Variants in MYO3B observed in about 807,000 individuals in gnomAD.
MYO3B encodes myosin-IIIb.
MYO3B carries 156 observed loss-of-function variants against 174.6 expected under a neutral mutation model. The observed-to-expected ratio is 0.89, with a 90% confidence interval of 0.78 to 1.02. MYO3B has a LOEUF of 1.02. Ranked by LOEUF, MYO3B falls within the 50% of genes least tolerant of loss-of-function variation. MYO3B has a pLI of 0.00. For synonymous variants in MYO3B, 563 were observed against 569.1 expected (o/e 0.99, Z 0.15); for missense variants, 1,632 against 1,639.4 (o/e 1.00, Z 0.08).
intron 7 of MYO3B, among the ~76,000 whole-genome samples, chr2:170,263,957 T>C (rs1158132353): frequency 6.6e-6 from 1 of 152,192 alleles, no homozygotes; most frequent in African/African-American, 2.4e-5. Flanking sequence ...ATACCTGGCT[T>C]TCCTAGGCAG....
At chr2:170,354,711 C>T (rs2094106519) in intron 8 of MYO3B, among the ~76,000 whole-genome samples, 1 of 152,084 alleles carries the variant, frequency 6.6e-6, no homozygotes, top group South Asian at 2.1e-4. Context: ...GCCTATTATT[C>T]AGCAAATTAA....
At chr2:170,255,624 C>G (rs762091072) in intron 7 of MYO3B, among the ~76,000 whole-genome samples, 90 of 151,950 alleles carry the variant, frequency 5.9e-4, no homozygotes, top group Non-Finnish European at 1.2e-3. Context: ...ACAGTCAAAC[C>G]CTGAAGGGAA....
At chr2:170,335,122 G>C (rs1262315833) in intron 7 of MYO3B, among the ~76,000 whole-genome samples, 2 of 152,102 alleles carry the variant, frequency 1.3e-5, no homozygotes, top group African/African-American at 4.8e-5. Context: ...TAGGGTGTCT[G>C]CTTCTTGAAG....
At chr2:170,260,849 G>C (rs961860329) in intron 7 of MYO3B, among the ~76,000 whole-genome samples, 1 of 152,076 alleles carries the variant, frequency 6.6e-6, no homozygotes, top group Non-Finnish European at 1.5e-5. Context: ...TACTAGTGTT[G>C]GGTTATGTGT....
At chr2:170,405,522 C>A (rs376566516) in intron 20 of MYO3B, 23 bp from the exon 21 acceptor site, 27 of 1,610,058 alleles carry the variant, frequency 1.7e-5, no homozygotes, top group Non-Finnish European at 2.0e-5. Context: ...CATTGTAACT[C>A]TCCAACATAA....
At chr2:170,622,978 G>A (rs1184615801) in intron 32 of MYO3B, among the ~76,000 whole-genome samples, 1 of 152,124 alleles carries the variant, frequency 6.6e-6, no homozygotes, top group African/African-American at 2.4e-5. Flanking sequence ...ATCATTGTTG[G>A]ACATTTGGGT....
At chr2:170,628,193 A>G (rs535180188) in intron 32 of MYO3B, among the ~76,000 whole-genome samples, 225 of 152,312 alleles carry the variant, frequency 1.5e-3, no homozygotes, top group African/African-American at 5.2e-3. Flanking sequence ...ATTGGGCTCC[A>G]CCCAGTTCGA....
At chr2:170,254,363 C>T (rs763490674) in intron 7 of MYO3B, among the ~76,000 whole-genome samples, 7 of 152,178 alleles carry the variant, frequency 4.6e-5, no homozygotes, top group Non-Finnish European at 8.8e-5. Context: ...CTCCATCTTA[C>T]TCTGAATGAC....
chr2:170,379,439 C>T (rs775822264), intron 9 of MYO3B, among the ~76,000 whole-genome samples: 11 of 152,176 alleles, frequency 7.2e-5, no homozygotes, highest in Non-Finnish European at 1.5e-4. Flanking sequence ...GTGATCCACC[C>T]GCCTTGGCCG....
intron 25 of MYO3B, among the ~76,000 whole-genome samples, chr2:170,474,743 CAAAAAAAAAAAAAAAAAAAAAAAAAAAA>C (rs55913448): frequency 2.7e-5 from 1 of 37,580 alleles, no homozygotes. Context: ...AACTCCGTCT[CAAAAAAAAAAAAAAAAAAAAAAAAAAAA>C]AAAAAAAAAA....
intron 7 of MYO3B, among the ~76,000 whole-genome samples, chr2:170,320,772 A>T (rs2093820159): frequency 6.6e-6 from 1 of 152,168 alleles, no homozygotes. Context: ...ACATTCTCTG[A>T]CCACAATGCA....
chr2:170,328,497 C>A (rs77620867), intron 7 of MYO3B, among the ~76,000 whole-genome samples: 1 of 151,884 alleles, frequency 6.6e-6, no homozygotes, highest in East Asian at 1.9e-4. Flanking sequence ...GAGCCACCCC[C>A]AGAAGATGCG....
intron 22 of MYO3B, among the ~76,000 whole-genome samples, chr2:170,435,435 A>G (rs553240491): frequency 2.6e-5 from 4 of 152,318 alleles, no homozygotes; most frequent in East Asian, 3.9e-4. Flanking sequence ...GTAATGAGCA[A>G]TCTAACCATT....
chr2:170,642,741 G>C (rs1559193442), intron 32 of MYO3B, among the ~76,000 whole-genome samples: 1 of 152,124 alleles, frequency 6.6e-6, no homozygotes, highest in Non-Finnish European at 1.5e-5. Context: ...CCAGACCACA[G>C]AGAATTTTCC....
At chr2:170,482,881 A>T (rs1685787048) in intron 25 of MYO3B, among the ~76,000 whole-genome samples, 1 of 152,234 alleles carries the variant, frequency 6.6e-6, no homozygotes, top group South Asian at 2.1e-4. Context: ...ACTTATTCTT[A>T]TGGGGCAGGA....
intron 7 of MYO3B, among the ~76,000 whole-genome samples, chr2:170,271,616 G>C (rs2093425659): frequency 6.6e-6 from 1 of 152,180 alleles, no homozygotes; most frequent in South Asian, 2.1e-4. Context: ...ATGGCTGAGA[G>C]TCATTGTAAC....
At chr2:170,575,434 G>A (rs1692726484) in intron 32 of MYO3B, among the ~76,000 whole-genome samples, 1 of 152,054 alleles carries the variant, frequency 6.6e-6, no homozygotes, top group South Asian at 2.1e-4. Flanking sequence ...TGCCATTGTA[G>A]GGTAAAAAAA....
At chr2:170,469,948 C>G (rs1575031116) in intron 25 of MYO3B, among the ~76,000 whole-genome samples, 1 of 150,592 alleles carries the variant, frequency 6.6e-6, no homozygotes, top group African/African-American at 2.5e-5. Flanking sequence ...ACTAAAAATA[C>G]AAAATTAGCT....
intron 25 of MYO3B, among the ~76,000 whole-genome samples, chr2:170,486,011 A>C (rs1333648012): frequency 6.6e-6 from 1 of 151,992 alleles, no homozygotes; most frequent in Non-Finnish European, 1.5e-5. Flanking sequence ...AAAGAGGGAG[A>C]GAGAGAGAGA....
Sources: allele counts gnomAD v4.1 joint callset (sites outside exome capture counted in the v4.1 genomes callset), GRCh38; gene constraint gnomAD v4.1.1; transcripts MANE v1.5; gene names NCBI Gene and HGNC (gene_info 2026-07-23, HGNC 2026-07-21).